SYNE3: variants seen among roughly 807,000 people sequenced by gnomAD.
SYNE3 encodes spectrin repeat containing nuclear envelope family member 3.
A neutral mutation model predicts 111.2 loss-of-function variants in SYNE3; 100 were observed. The ratio of observed to expected loss-of-function variants is 0.90; its 90% confidence interval spans 0.77 to 1.06. SYNE3 has a LOEUF of 1.06. Among genes scored for constraint, SYNE3 ranks in the 50% least tolerant of loss-of-function variants. The pLI is 0.00. For synonymous variants in SYNE3, 547 were observed against 533.9 expected (o/e 1.02, Z -0.34); for missense variants, 1,160 against 1,240.3 (o/e 0.94, Z 0.97).
chr14:95,427,344 C>T (rs1181819902), intron 17 of SYNE3, among the ~76,000 whole-genome samples: 1 of 152,144 alleles, frequency 6.6e-6, no homozygotes, highest in Non-Finnish European at 1.5e-5. Context: ...TTAGAGAAGA[C>T]TCTACTCCTC....
chr14:95,484,608 G>C (rs1889445050), intron 1 of SYNE3, among the ~76,000 whole-genome samples: 1 of 152,264 alleles, frequency 6.6e-6, no homozygotes, highest in African/African-American at 2.4e-5. Flanking sequence ...GGACAAGCCA[G>C]TCAATGCAGC....
At chr14:95,446,865 G>A (rs1886750333) in intron 8 of SYNE3, among the ~76,000 whole-genome samples, 1 of 152,172 alleles carries the variant, frequency 6.6e-6, no homozygotes, top group Non-Finnish European at 1.5e-5. Context: ...CCAAAGCCCT[G>A]CAACTCTTAG....
Position 95,471,270 on chromosome 14 carries a change from A to G in SYNE3, c.145-3303T>C, listed in dbSNP as rs1190549645. 1.2e-4 allele frequency among the ~76,000 whole-genome samples: 18 copies of G among 152,328 alleles called. No individual in the cohort carries two copies. The East Asian group carries it at 3.3e-3, about 28-fold the overall frequency. ...ATCTCCCTTGGCCACACCCAGAAGG[A>G]GCAGCCAGGTCTGGAATGTCCCATG... On this transcript the variant is annotated intron_variant, in intron 2 of 17. Coordinates refer to ENST00000682763, the MANE Select transcript of SYNE3 (RefSeq NM_152592.6).
intron 17 of SYNE3, among the ~76,000 whole-genome samples, chr14:95,424,035 G>A (rs1249915638): frequency 6.6e-6 from 1 of 151,988 alleles, no homozygotes; most frequent in Non-Finnish European, 1.5e-5. Context: ...GGAGGTGCCT[G>A]TGGGACCCCC....
At chr14:95,438,268 T>C (rs1886209822) in intron 14 of SYNE3, 1 of 152,174 alleles carries the variant, frequency 6.6e-6, no homozygotes, top group African/African-American at 2.4e-5. Flanking sequence ...TTTATAGAAA[T>C]GGGGTCTTGC....
rs1420789110 is a variant in SYNE3 at position 95,457,219 on chromosome 14, C to T, written c.747G>A (p.Arg249=). ...GCTGCGTGATGGGCAGCTTGCAGTT[C>T]CGCCCCAGGCAGCCATTCACCTTCT... The part of the protein sequence containing the change: ...VVEKVNGCLG[R]NCKLPITQRL... The change falls in exon 5 of 18, where the codon CGG becomes CGA. Residue 249 remains arginine, a synonymous_variant. Transcript: ENST00000682763. 1 of 1,614,132 alleles carries T rather than the reference C, an allele frequency of 6.2e-7. No homozygotes were observed. The highest frequency in any genetic ancestry group is 1.1e-5 in the South Asian group (1 of 91,076).
intron 13 of SYNE3, 25 bp from the exon 14 acceptor site, chr14:95,439,187 C>T (rs1296358966): frequency 6.2e-7 from 1 of 1,614,026 alleles, no homozygotes; most frequent in Non-Finnish European, 8.5e-7. Flanking sequence ...TCAGCCCAGT[C>T]AATGCAGAGA....
intron 10 of SYNE3, 93 bp downstream of exon 10, chr14:95,444,392 G>C: frequency 2.0e-6 from 3 of 1,474,344 alleles, no homozygotes; most frequent in Non-Finnish European, 2.7e-6. Flanking sequence ...CACGGCAGCT[G>C]TTGCTTTGCT....
chr14:95,490,187 C>T (rs184999597), intron 1 of SYNE3, among the ~76,000 whole-genome samples: 1 of 152,326 alleles, frequency 6.6e-6, no homozygotes, highest in African/African-American at 2.4e-5. Context: ...AGAGGCCCTG[C>T]CCTATCCCAA....
intron 17 of SYNE3, among the ~76,000 whole-genome samples, chr14:95,426,610 G>A (rs374683887): frequency 6.6e-6 from 1 of 151,980 alleles, no homozygotes; most frequent in African/African-American, 2.4e-5. Flanking sequence ...TTTTGTGGGC[G>A]GCAAGCCACC....
At chr14:95,443,850 G>A (rs1021273552) in intron 10 of SYNE3, 1 of 149,994 alleles carries the variant, frequency 6.7e-6, no homozygotes, top group African/African-American at 2.5e-5. Context: ...TTTATTTTAA[G>A]TAGAGACAGG....
intron 17 of SYNE3, among the ~76,000 whole-genome samples, chr14:95,424,701 G>A (rs925731461): frequency 6.6e-6 from 1 of 152,158 alleles, no homozygotes; most frequent in Non-Finnish European, 1.5e-5. Context: ...CCAATCACAA[G>A]GAAACAGCAG....
chr14:95,462,529 C>G (rs561792092), intron 4 of SYNE3, among the ~76,000 whole-genome samples: 1 of 152,262 alleles, frequency 6.6e-6, no homozygotes, highest in African/African-American at 2.4e-5. Flanking sequence ...GAGTCTCCCC[C>G]TCACCGCACC....
rs576257858 is a variant in SYNE3 at position 95,442,718 on chromosome 14, C to G, written c.1911+437G>C. ...CCACTAGAGGGCACTGGCGATGAAG[C>G]TCTGTGGCCTCCAGGCCTTGTGCAG... On this transcript the variant is annotated intron_variant, in intron 11 of 17. Transcript: ENST00000682763. Among the ~76,000 whole-genome samples, 17 of 152,340 alleles carry G rather than the reference C, an allele frequency of 1.1e-4. No homozygotes were observed. In the East Asian group the frequency reaches 2.9e-3, roughly 26 times the overall value.
At chr14:95,480,608 C>G (rs1889182894) in intron 1 of SYNE3, among the ~76,000 whole-genome samples, 1 of 152,226 alleles carries the variant, frequency 6.6e-6, no homozygotes, top group Non-Finnish European at 1.5e-5. Flanking sequence ...GGACAGGAAT[C>G]TTCCAGAATC....
intron 7 of SYNE3, 93 bp downstream of exon 7, chr14:95,452,154 T>C: frequency 1.4e-6 from 2 of 1,398,668 alleles, no homozygotes; most frequent in East Asian, 2.4e-5. Flanking sequence ...GAAGTTACTA[T>C]GTTGTAGGAG....
intron 14 of SYNE3, 80 bp downstream of exon 14, chr14:95,438,953 G>GCT: frequency 6.4e-7 from 1 of 1,572,570 alleles, no homozygotes. Context: ...AGACAGGGAG[G>GCT]GGCCTGTGCT....
At chr14:95,433,464 C>T (rs542294508) in intron 15 of SYNE3, 55 bp from the exon 16 acceptor site, 4 of 1,602,242 alleles carry the variant, frequency 2.5e-6, no homozygotes, top group African/African-American at 2.7e-5. Flanking sequence ...GACAGCCCCA[C>T]CTGAATGGTA....
At chr14:95,497,709 T>C (rs879023727) in intron 1 of SYNE3, among the ~76,000 whole-genome samples, 5 of 152,162 alleles carry the variant, frequency 3.3e-5, no homozygotes, top group Admixed American at 3.3e-4. Flanking sequence ...AAATCTGTCA[T>C]GGTAGCATGA....
Sources: gnomAD v4.1 joint callset for allele counts (sites outside exome capture counted in the v4.1 genomes callset) on GRCh38, gnomAD v4.1.1 for gene constraint, MANE v1.5 for transcripts, NCBI Gene and HGNC (gene_info 2026-07-23, HGNC 2026-07-21) for gene names.